The following SLMAP variants were observed in gnomAD, a reference collection of about 807,000 sequenced individuals.
The protein encoded by SLMAP is sarcolemmal membrane-associated protein.
SLMAP carries 44 observed loss-of-function variants against 128.8 expected under a neutral mutation model. That is an observed-to-expected ratio of 0.34 (90% CI 0.27 to 0.44). SLMAP has a LOEUF of 0.44. Ranked by LOEUF, SLMAP falls within the 20% of genes least tolerant of loss-of-function variation. The pLI, the probability that SLMAP is intolerant of heterozygous loss-of-function variation, is 1.00. For missense variants in SLMAP, 787 were observed against 985.3 expected, an observed-to-expected ratio of 0.80 and a Z score of 2.69; for synonymous variants, 327 against 348.8, an observed-to-expected ratio of 0.94 and a Z score of 0.70.
intron 14 of SLMAP, among the ~76,000 whole-genome samples, chr3:57,880,703 C>A (rs2095714145): frequency 6.6e-6 from 1 of 151,750 alleles, no homozygotes; most frequent in Non-Finnish European, 1.5e-5. Flanking sequence ...CACAGTGAGA[C>A]CATGTCTCTA....
intron 21 of SLMAP, among the ~76,000 whole-genome samples, chr3:57,916,426 C>A (rs2096813420): frequency 6.6e-6 from 1 of 152,158 alleles, no homozygotes; most frequent in South Asian, 2.1e-4. Context: ...ACTTCTTTGT[C>A]TTATGCTCTT....
rs927078221 is a variant in SLMAP, at chr3:57,926,159, C to T, written c.*6+225C>T. ...TAGTAATGCTAACCATGAGTTAATT[C>T]CAACCTAACCAGTTGTTAATATGCT... is the stretch of plus-strand genomic sequence containing the variant. On this transcript the variant is annotated intron_variant, in intron 24 of 24. Transcript: ENST00000671191. 105 of 522,690 alleles carry T rather than the reference C, an allele frequency of 2.0e-4. 1 individual carries two copies. Among genetic ancestry groups the T allele is most frequent in the Admixed American group, 7.3e-5 (2 of 27,448 alleles). The allele number at this position is 522,690 out of a possible 1,614,324, so 32.4% of individuals were successfully genotyped here. A position where few individuals can be genotyped will look rare whatever the true frequency, so the allele number is the denominator to read the frequency against.
intron 9 of SLMAP, 114 bp from the exon 10 acceptor site, chr3:57,861,835 G>A (rs915799222): frequency 5.8e-5 from 50 of 857,498 alleles, no homozygotes; most frequent in East Asian, 1.7e-4. Flanking sequence ...CAGGGCAGAT[G>A]TTGATTTAGA....
At chr3:57,906,289 CA>C (rs1284355244) in intron 17 of SLMAP, among the ~76,000 whole-genome samples, 3 of 85,682 alleles carry the variant, frequency 3.5e-5, no homozygotes, top group Non-Finnish European at 7.1e-5. Flanking sequence ...AACCCAGAAT[CA>C]AATTTTTTTC....
intron 6 of SLMAP, among the ~76,000 whole-genome samples, chr3:57,851,397 G>A (rs2094494763): frequency 7.1e-6 from 1 of 140,538 alleles, no homozygotes; most frequent in Non-Finnish European, 1.6e-5. Context: ...GCTAGATTAT[G>A]TTTCTTATTC....
chr3:57,862,429 A>G (rs1193077317), intron 10 of SLMAP, among the ~76,000 whole-genome samples: 2 of 151,994 alleles, frequency 1.3e-5, no homozygotes, highest in Non-Finnish European at 2.9e-5. Flanking sequence ...CATGAGGTCA[A>G]GAGATTGAGA....
chr3:57,838,723 CA>C (rs1255936290), intron 3 of SLMAP, among the ~76,000 whole-genome samples: 2 of 152,154 alleles, frequency 1.3e-5, no homozygotes, highest in Non-Finnish European at 2.9e-5. Flanking sequence ...CATGGTCATG[CA>C]GGCGAGAGGA....
At chr3:57,877,896 G>A (rs957351906) in intron 14 of SLMAP, among the ~76,000 whole-genome samples, 36 of 143,800 alleles carry the variant, frequency 2.5e-4, no homozygotes, top group Non-Finnish European at 1.0e-4. Flanking sequence ...GTGCAATGGC[G>A]TGATCTCGAC....
chr3:57,809,201 A>G (rs1265115472), intron 2 of SLMAP, among the ~76,000 whole-genome samples: 2 of 152,114 alleles, frequency 1.3e-5, no homozygotes, highest in African/African-American at 2.4e-5. Context: ...CAGCCACACA[A>G]ACTGTGGCTG....
At position 57,842,782 on chromosome 3, in the gene SLMAP, T is replaced by G. The variant is rs528371759; in HGVS notation, c.419+1411T>G. Among the ~76,000 whole-genome samples the G allele has an allele frequency of 3.3e-5, 5 of 152,340 alleles. No individual in the cohort carries two copies. In the East Asian group the frequency reaches 9.6e-4, roughly 29 times the overall value. On this transcript the variant is annotated intron_variant, in intron 4 of 24. Transcript: ENST00000671191. Reference sequence around the variant, plus strand: ...TTATATGGTTAAATATTAGTATCACTTAAATTTTTGCTGCCAATATAGTTA... The same window carrying G: ...TTATATGGTTAAATATTAGTATCACGTAAATTTTTGCTGCCAATATAGTTA...
At chr3:57,918,273 G>A (rs2096851766) in intron 22 of SLMAP, 1 of 152,056 alleles carries the variant, frequency 6.6e-6, no homozygotes, top group Admixed American at 6.6e-5. Flanking sequence ...TCAAACTCTG[G>A]GAAGAATGCT....
Position 57,854,932 on chromosome 3 carries a change from C to G in SLMAP, c.520-2801C>G, listed in dbSNP as rs962711175. Among the ~76,000 whole-genome samples the G allele has an allele frequency of 3.9e-5, 6 of 152,146 alleles. 1 individual carries two copies. The highest frequency in any genetic ancestry group is 3.3e-4 in the Admixed American group (5 of 15,262). On this transcript the variant is annotated intron_variant, in intron 6 of 24. Transcript: ENST00000671191. The stretch of plus-strand genomic sequence containing the variant: ...TACTTACATAACCTAGATGGCGTAG[C>G]CTATTACACACCTAGGCTATATAGT...
rs1308395927 is a variant in SLMAP at position 57,757,622 on chromosome 3, G to A, written c.-30G>A. On this transcript the variant is annotated 5_prime_UTR_variant, in exon 2 of 25. Coordinates refer to ENST00000671191, the MANE Select transcript of SLMAP (RefSeq NM_001377540.1). ...TCCGGAGGAACTCCTCTTTGTCCCT[G>A]GTAGGAGAGACACCCCCAGTCTATC... The A allele has an allele frequency of 6.2e-7, 1 of 1,609,336 alleles. No homozygotes were observed. The highest frequency in any genetic ancestry group is 8.5e-7 in the Non-Finnish European group (1 of 1,176,684).
intron 2 of SLMAP, among the ~76,000 whole-genome samples, chr3:57,825,158 T>C (rs748124284): frequency 1.3e-5 from 2 of 152,162 alleles, no homozygotes; most frequent in Non-Finnish European, 2.9e-5. Context: ...CTATGGGGTT[T>C]TCTATATATA....
chr3:57,772,601 TGCTCTGCCACCA>T (rs1256803787), intron 2 of SLMAP, among the ~76,000 whole-genome samples: 2 of 152,214 alleles, frequency 1.3e-5, no homozygotes, highest in African/African-American at 4.8e-5. Flanking sequence ...ATGATGCTTC[TGCTCTGCCACCA>T]GATAAATCTA....
Position 57,841,381 on chromosome 3 carries a change from ATTTAGTACTGTGAAGTTTTTGTGAAG to A in SLMAP, c.419+22_419+47del. 6.4e-7 allele frequency: 1 copy of A among 1,564,414 alleles called. No individual in the cohort carries two copies. The highest frequency in any genetic ancestry group is 1.7e-4 in the Middle Eastern group (1 of 5,904). On this transcript the variant is annotated intron_variant, in intron 4 of 24. Coordinates refer to ENST00000671191, the MANE Select transcript of SLMAP (RefSeq NM_001377540.1). Reference sequence around the variant, plus strand: ...CCCGGCTCCGCTCAGAGTGAGTATAATTTAGTACTGTGAAGTTTTTGTGAAGTTTAGTACTGTAAAGAATTTAGTAA... The same window carrying A: ...CCCGGCTCCGCTCAGAGTGAGTATAATTTAGTACTGTAAAGAATTTAGTAA...
chr3:57,897,133 G>A (rs1012783674), intron 17 of SLMAP: 353 of 1,335,548 alleles, frequency 2.6e-4, no homozygotes, highest in Non-Finnish European at 3.2e-4. Context: ...ATTTGGATCA[G>A]TCAAGATTAC....
intron 10 of SLMAP, among the ~76,000 whole-genome samples, chr3:57,863,720 C>G (rs144651100): frequency 5.8e-4 from 89 of 152,226 alleles, no homozygotes; most frequent in Non-Finnish European, 4.9e-4. Flanking sequence ...GGGATCTGCT[C>G]CCATAACCCA....
intron 3 of SLMAP, among the ~76,000 whole-genome samples, chr3:57,838,619 A>G (rs1276026199): frequency 6.7e-6 from 1 of 149,038 alleles, no homozygotes; most frequent in Non-Finnish European, 1.5e-5. Flanking sequence ...TTAATGTTTT[A>G]AGAAATAGAT....
Sources: allele counts gnomAD v4.1 joint callset (sites outside exome capture counted in the v4.1 genomes callset), GRCh38; gene constraint gnomAD v4.1.1; transcripts MANE v1.5; gene names NCBI Gene and HGNC (gene_info 2026-07-23, HGNC 2026-07-21).